The following ADAM22 variants were observed in gnomAD, a reference collection of about 807,000 sequenced individuals.
The protein encoded by ADAM22 is disintegrin and metalloproteinase domain-containing protein 22.
Under a neutral mutation model 144.6 loss-of-function variants are expected in ADAM22, and 65 were observed. The ratio of observed to expected loss-of-function variants is 0.45; its 90% CI spans 0.37 to 0.55. The LOEUF is 0.55. Among genes scored for constraint, ADAM22 ranks in the 20% least tolerant of loss-of-function variants. The probability of loss-of-function intolerance (pLI) is 0.00; values close to 1 mark genes in which losing one functional copy is unlikely to be tolerated. For missense variants in ADAM22, 974 were observed against 1,184.9 expected, an observed-to-expected ratio of 0.82 and a Z score of 2.61; for synonymous variants, 391 against 412.6, an observed-to-expected ratio of 0.95 and a Z score of 0.63.
At position 88,199,885 on chromosome 7, in the gene ADAM22, T is replaced by A. The variant is rs1471926986; in HGVS notation, c.*3394T>A. Reference sequence around the variant, plus strand: ...ATATAAGGTCAGTCTGGCATAGAATTTCTGAAAGTAACATTAATAGGATTT... The same window carrying A: ...ATATAAGGTCAGTCTGGCATAGAATATCTGAAAGTAACATTAATAGGATTT... On this transcript the variant is annotated 3_prime_UTR_variant, in exon 32 of 32. Coordinates refer to ENST00000413139, the MANE Select transcript of ADAM22 (RefSeq NM_001324418.2). The A allele has an allele frequency of 6.6e-6, 1 of 152,218 alleles. No homozygotes were observed. The highest frequency in any genetic ancestry group is 2.4e-5 in the African/African-American group (1 of 41,462). 9.4% of individuals were successfully genotyped at this position (152,218 alleles called of 1,614,324 possible).
At chr7:88,050,687 C>A (rs563509501) in intron 3 of ADAM22, among the ~76,000 whole-genome samples, 1 of 152,206 alleles carries the variant, frequency 6.6e-6, no homozygotes, top group East Asian at 1.9e-4. Context: ...ATATCCTTCA[C>A]CCACTTTTTG....
intron 4 of ADAM22, among the ~76,000 whole-genome samples, chr7:88,090,245 C>T (rs1819500636): frequency 6.6e-6 from 1 of 152,148 alleles, no homozygotes; most frequent in South Asian, 2.1e-4. Flanking sequence ...GAGAGCAGAA[C>T]TTTTGGTGTG....
Position 88,153,344 on chromosome 7 carries a change from G to A in ADAM22, c.1787+18G>A. Reference sequence around the variant, plus strand: ...AACAAACGGTGAGGTGGAGACGTCAGCCCAGAATTCATCCCTTGGTCAATT... The same window carrying A: ...AACAAACGGTGAGGTGGAGACGTCAACCCAGAATTCATCCCTTGGTCAATT... On this transcript the variant is annotated intron_variant, in intron 21 of 31. Coordinates refer to ENST00000413139, the MANE Select transcript of ADAM22 (RefSeq NM_001324418.2). 6.3e-7 allele frequency: 1 copy of A among 1,591,266 alleles called. No homozygotes were observed.
intron 2 of ADAM22, 52 bp from the exon 3 acceptor site, chr7:87,978,284 C>T: frequency 7.6e-7 from 1 of 1,307,196 alleles, no homozygotes; most frequent in Non-Finnish European, 1.1e-6. Flanking sequence ...GACTAATTGT[C>T]TGATTAGTAT....
intron 4 of ADAM22, among the ~76,000 whole-genome samples, chr7:88,085,569 G>A (rs951829595): frequency 3.3e-5 from 5 of 152,060 alleles, no homozygotes; most frequent in Admixed American, 2.6e-4. Context: ...ACAAAATCAT[G>A]ATAAATCTTT....
chr7:88,045,459 A>G (rs1411634168), intron 3 of ADAM22, among the ~76,000 whole-genome samples: 1 of 152,060 alleles, frequency 6.6e-6, no homozygotes, highest in African/African-American at 2.4e-5. Flanking sequence ...TATGGTATGC[A>G]TGATGTTTTG....
chr7:88,108,645 C>T (rs1043591491), intron 5 of ADAM22, among the ~76,000 whole-genome samples: 1 of 151,958 alleles, frequency 6.6e-6, no homozygotes, highest in African/African-American at 2.4e-5. Context: ...AGGAGAATCA[C>T]TTGAACCTGC....
rs191186826 is a variant in ADAM22, at chr7:88,078,725, T to C, written c.390+3033T>C. Among the ~76,000 whole-genome samples the C allele has an allele frequency of 8.4e-3, 1,279 of 152,242 alleles. 5 individuals are homozygous for C. The highest frequency in any genetic ancestry group is 0.015 in the Non-Finnish European group (988 of 68,030). ...GCACAAGCCTCAGTAACCGATGTGA[T>C]CAACTGGAAGAAAGGGTATCAGTGA... On this transcript the variant is annotated intron_variant, in intron 4 of 31. Transcript: ENST00000413139.
intron 10 of ADAM22, 149 bp downstream of exon 10, chr7:88,130,608 CTT>C: frequency 1.5e-6 from 1 of 648,982 alleles, no homozygotes; most frequent in Non-Finnish European, 2.5e-6. Context: ...TTGCAATAGA[CTT>C]TATTGACTTT....
At chr7:88,125,705 A>G (rs1362758063) in intron 8 of ADAM22, 46 bp downstream of exon 8, 13 of 1,430,044 alleles carry the variant, frequency 9.1e-6, no homozygotes, top group Non-Finnish European at 1.2e-5. Flanking sequence ...AACAATTGTC[A>G]ACTGCCAGTC....
At chr7:88,151,537 C>T (rs1563335298) in intron 20 of ADAM22, among the ~76,000 whole-genome samples, 4 of 152,128 alleles carry the variant, frequency 2.6e-5, no homozygotes, top group Non-Finnish European at 4.4e-5. Flanking sequence ...TGCCTGTGGA[C>T]GAGACAGAAA....
At chr7:88,111,919 TA>T (rs958706574) in intron 5 of ADAM22, among the ~76,000 whole-genome samples, 6 of 152,234 alleles carry the variant, frequency 3.9e-5, no homozygotes, top group Admixed American at 2.0e-4. Context: ...TTAAGTCCAA[TA>T]AAAAAATGAC....
chr7:88,077,840 G>A (rs1815084730), intron 4 of ADAM22, among the ~76,000 whole-genome samples: 1 of 152,184 alleles, frequency 6.6e-6, no homozygotes, highest in Admixed American at 6.5e-5. Context: ...AAACAAAGCA[G>A]CCCAGAAGCT....
intron 4 of ADAM22, among the ~76,000 whole-genome samples, chr7:88,084,172 C>T (rs968847433): frequency 1.3e-5 from 2 of 152,016 alleles, no homozygotes; most frequent in African/African-American, 4.8e-5. Flanking sequence ...ACAGTAATAT[C>T]CTTTTTCAGA....
chr7:88,067,769 C>T (rs1224179200), intron 3 of ADAM22, among the ~76,000 whole-genome samples: 1 of 152,106 alleles, frequency 6.6e-6, no homozygotes, highest in African/African-American at 2.4e-5. Context: ...TCCTAGCATA[C>T]ACATTTAAAG....
chr7:88,037,456 A>AT (rs1167851547), intron 3 of ADAM22, among the ~76,000 whole-genome samples: 1 of 152,180 alleles, frequency 6.6e-6, no homozygotes, highest in East Asian at 1.9e-4. Flanking sequence ...TATGCAAGAA[A>AT]TAAAAGGGAA....
At chr7:87,976,682 G>C (rs866807431) in intron 2 of ADAM22, among the ~76,000 whole-genome samples, 1 of 152,130 alleles carries the variant, frequency 6.6e-6, no homozygotes, top group Non-Finnish European at 1.5e-5. Context: ...TTCAGGAAAG[G>C]TCTCAGCAAA....
Position 88,202,014 on chromosome 7 carries a change from G to C in ADAM22, c.*5523G>C, listed in dbSNP as rs1275061612. ...CAATCTTTAAATATAGCGGTGCTAA[G>C]TTGAACAAGTAACACAATACAGAAA... On this transcript the variant is annotated 3_prime_UTR_variant, in exon 32 of 32. Coordinates refer to ENST00000413139, the MANE Select transcript of ADAM22 (RefSeq NM_001324418.2). 1 of 152,130 alleles carries C rather than the reference G, an allele frequency of 6.6e-6. No individual in the cohort carries two copies. Among genetic ancestry groups the C allele is most frequent in the Non-Finnish European group, 1.5e-5 (1 of 68,022 alleles). The allele number at this position is 152,130 out of a possible 1,614,324, so 9.4% of individuals were successfully genotyped here.
chr7:88,033,649 C>A (rs1052497035), intron 3 of ADAM22, among the ~76,000 whole-genome samples: 8 of 152,224 alleles, frequency 5.3e-5, no homozygotes, highest in African/African-American at 1.9e-4. Flanking sequence ...TGGGATTCCC[C>A]AGGCTTTGGG....
Sources: allele counts gnomAD v4.1 joint callset (sites outside exome capture counted in the v4.1 genomes callset), GRCh38; gene constraint gnomAD v4.1.1; transcripts MANE v1.5; gene names NCBI Gene and HGNC (gene_info 2026-07-23, HGNC 2026-07-21).